Variants in SSR3 observed in about 807,000 individuals in gnomAD.
SSR3 encodes the protein signal sequence receptor subunit 3, also known as translocon-associated protein subunit gamma.
Under a neutral mutation model 22.1 loss-of-function variants are expected in SSR3, and 10 were observed. The ratio of observed to expected loss-of-function variants is 0.45; its 90% CI spans 0.28 to 0.77. The LOEUF (loss-of-function observed/expected upper bound fraction) is 0.77, where lower values mean the gene tolerates loss of function less well. Among genes scored for constraint, SSR3 ranks in the 30% least tolerant of loss-of-function variants. The probability of loss-of-function intolerance (pLI) is 0.13; values close to 1 mark genes in which losing one functional copy is unlikely to be tolerated. For missense variants in SSR3, 181 were observed against 220.5 expected, an observed-to-expected ratio of 0.82 and a Z score of 1.13; for synonymous variants, 104 against 82.5, an observed-to-expected ratio of 1.26 and a Z score of -1.42.
Position 156,549,005 on chromosome 3 carries a change from TG to T in SSR3, c.261-3del. 9 of 1,603,284 alleles carry T rather than the reference TG, an allele frequency of 5.6e-6. No individual in the cohort carries two copies. Among genetic ancestry groups the T allele is most frequent in the Non-Finnish European group, 7.6e-6 (9 of 1,177,530 alleles). ...GCATCCTCCCTCTTCTGTGCTACTCTGGAAGAAAAAGAAAAAAAGAAAAAGT... is the reference window on the plus strand; with the variant it reads ...GCATCCTCCCTCTTCTGTGCTACTCTGAAGAAAAAGAAAAAAAGAAAAAGT... On this transcript the variant is annotated splice_region_variant and splice_polypyrimidine_tract_variant and intron_variant, in intron 2 of 4. Coordinates refer to ENST00000265044, the MANE Select transcript of SSR3 (RefSeq NM_007107.5).
In SSR3 at chr3:156,540,602, T is replaced by A. The variant is rs1254056257; in HGVS notation, c.*2601A>T. 5.1e-5 allele frequency: 1 copy of A among 19,614 alleles called. No individual in the cohort carries two copies. The highest frequency in any genetic ancestry group is 2.3e-4 in the African/African-American group (1 of 4,422). 1.2% of individuals were successfully genotyped at this position (19,614 alleles called of 1,614,324 possible). ...GCCTGGGTGACAGAGCGAGACGCTG[T>A]CTCAAAAAAAAAAAAAAAAAAAAAA... On this transcript the variant is annotated 3_prime_UTR_variant, in exon 5 of 5. Coordinates refer to ENST00000265044, the MANE Select transcript of SSR3 (RefSeq NM_007107.5).
intron 3 of SSR3, among the ~76,000 whole-genome samples, chr3:156,546,763 A>T (rs1719779157): frequency 6.6e-6 from 1 of 152,212 alleles, no homozygotes; most frequent in Non-Finnish European, 1.5e-5. Flanking sequence ...GCAACTGTTA[A>T]ATGATAGATC....
chr3:156,548,012 A>G (rs987721772), intron 3 of SSR3, among the ~76,000 whole-genome samples: 16 of 152,216 alleles, frequency 1.1e-4, no homozygotes, highest in African/African-American at 3.9e-4. Flanking sequence ...AGAAAACCGT[A>G]TTAAATACAG....
rs1162729645 is a variant in SSR3 at position 156,541,895 on chromosome 3, G to A, written c.*1308C>T. On this transcript the variant is annotated 3_prime_UTR_variant, in exon 5 of 5. Coordinates refer to ENST00000265044, the MANE Select transcript of SSR3 (RefSeq NM_007107.5). ...TTCTTGCATGGAGCCCAACACATCC[G>A]ATAGCATGGAAGTGGAAGTTAAACT... 1.3e-5 allele frequency: 2 copies of A among 152,132 alleles called. No homozygotes were observed. The highest frequency in any genetic ancestry group is 6.5e-5 in the Admixed American group (1 of 15,270). The allele number at this position is 152,132 out of a possible 1,614,324, so 9.4% of individuals were successfully genotyped here.
intron 4 of SSR3, among the ~76,000 whole-genome samples, chr3:156,543,763 T>A (rs1576998622): frequency 6.6e-6 from 1 of 152,248 alleles, no homozygotes; most frequent in South Asian, 2.1e-4. Context: ...AGGTACACGT[T>A]GGAGGGTATC....
In SSR3 at chr3:156,555,077, C is replaced by T. The variant is rs778268599; in HGVS notation, c.13G>A (p.Gly5Ser). The part of the protein sequence containing the change: MAPK[G>S]SSKQQSEEDL... ...TCCTCAGACTGCTGTTTGGAGCTGC[C>T]TTTAGGAGCCATGGCGGAGCTGCAG... The change falls in exon 1 of 5, where the codon GGC becomes AGC. Residue 5 changes from glycine to serine, a missense_variant. Physicochemically the swap from Gly to Ser is moderately conservative, Grantham distance 56. Transcript: ENST00000265044. 22 of 1,613,620 alleles carry T rather than the reference C, an allele frequency of 1.4e-5. No homozygotes were observed. The South Asian group carries it at 2.0e-4, about 14-fold the overall frequency.
In SSR3 at chr3:156,542,234, C is replaced by T. The variant is rs1206090907; in HGVS notation, c.*969G>A. 1.3e-5 allele frequency: 2 copies of T among 152,182 alleles called. No individual in the cohort carries two copies. The highest frequency in any genetic ancestry group is 2.9e-5 in the Non-Finnish European group (2 of 68,032). 9.4% of individuals were successfully genotyped at this position (152,182 alleles called of 1,614,324 possible). A position where few individuals can be genotyped will look rare whatever the true frequency, so the allele number is the denominator to read the frequency against. Reference sequence around the variant, plus strand: ...GGGCTAAAGAGATAAATATCTTGCTCACAATCAATGGGAACCTGTGAACTA... The same window carrying T: ...GGGCTAAAGAGATAAATATCTTGCTTACAATCAATGGGAACCTGTGAACTA... On this transcript the variant is annotated 3_prime_UTR_variant, in exon 5 of 5. Coordinates refer to ENST00000265044, the MANE Select transcript of SSR3 (RefSeq NM_007107.5).
chr3:156,544,489 A>C, intron 3 of SSR3, 50 bp from the exon 4 acceptor site: 2 of 1,450,408 alleles, frequency 1.4e-6, no homozygotes, highest in Non-Finnish European at 1.8e-6. Context: ...GATTTAAAAA[A>C]ACTTTTAAGT....
In SSR3 at chr3:156,548,859, A is replaced by T. The variant is rs188818254; in HGVS notation, c.359+46T>A. The T allele has an allele frequency of 6.3e-6, 10 of 1,582,706 alleles. No homozygotes were observed. In the East Asian group the frequency reaches 2.2e-4, roughly 35 times the overall value. On this transcript the variant is annotated intron_variant, in intron 3 of 4. Coordinates refer to ENST00000265044, the MANE Select transcript of SSR3 (RefSeq NM_007107.5). ...AAGCAAAAATCAAAAAATTCTCTTC[A>T]AAGTACCCCCTTTTATGATGGCCAT...
Position 156,540,875 on chromosome 3 carries a change from T to A in SSR3, c.*2328A>T, listed in dbSNP as rs1316582514. ...CGCATCTCTGTGTGCCACACAGAAC[T>A]TTTAGACAAGAGTAGAGGGGAAAAG... On this transcript the variant is annotated 3_prime_UTR_variant, in exon 5 of 5. Transcript: ENST00000265044. 6.6e-6 allele frequency: 1 copy of A among 152,166 alleles called. No homozygotes were observed. Among genetic ancestry groups the A allele is most frequent in the Non-Finnish European group, 1.5e-5 (1 of 68,024 alleles). The allele number at this position is 152,166 out of a possible 1,614,324, so 9.4% of individuals were successfully genotyped here.
rs979340942 is a variant in SSR3 at position 156,539,555 on chromosome 3, A to G, written c.*3648T>C. On this transcript the variant is annotated 3_prime_UTR_variant, in exon 5 of 5. Coordinates refer to ENST00000265044, the MANE Select transcript of SSR3 (RefSeq NM_007107.5). Reference sequence around the variant, plus strand: ...CTCAGAAATCAAACAGGGATAAGTCAGCGAAAAGATGATATATTGAAAATT... The same window carrying G: ...CTCAGAAATCAAACAGGGATAAGTCGGCGAAAAGATGATATATTGAAAATT... Among the ~76,000 whole-genome samples, 3 of 152,226 alleles carry G rather than the reference A, an allele frequency of 2.0e-5. No individual in the cohort carries two copies. The highest frequency in any genetic ancestry group is 7.2e-5 in the African/African-American group (3 of 41,458).
At chr3:156,543,379 T>A in intron 4 of SSR3, 110 bp from the exon 5 acceptor site, 1 of 759,776 alleles carries the variant, frequency 1.3e-6, no homozygotes, top group Non-Finnish European at 2.2e-6. Flanking sequence ...ACACTTGGTG[T>A]AATCATAATG....
intron 1 of SSR3, 86 bp from the exon 2 acceptor site, chr3:156,553,867 T>A: frequency 7.3e-7 from 1 of 1,366,124 alleles, no homozygotes; most frequent in Non-Finnish European, 9.9e-7. Context: ...TAATTATAGC[T>A]AAGCCTGGTA....
At position 156,554,990 on chromosome 3, in the gene SSR3, C is replaced by T; in HGVS notation, c.100G>A (p.Gly34Arg). 1.9e-6 allele frequency: 3 copies of T among 1,613,994 alleles called. No homozygotes were observed. The highest frequency in any genetic ancestry group is 2.5e-6 in the Non-Finnish European group (3 of 1,179,938). ...ATGGCAGACACGATGAACGCGTTTC[C>T]GAAGAAGAGCGCGGAGGACTTGGCC... is the stretch of plus-strand genomic sequence containing the variant. ...LSAKSSALFF[G>R]NAFIVSAIPI... Residue 34 changes from glycine (G) to arginine (R), a missense_variant, in exon 1 of 5, where the codon GGA becomes AGA. Physicochemically the swap from Gly to Arg is moderately radical, Grantham distance 125. Transcript: ENST00000265044.
intron 2 of SSR3, among the ~76,000 whole-genome samples, chr3:156,549,253 A>G (rs1470263162): frequency 1.3e-5 from 2 of 152,188 alleles, no homozygotes; most frequent in Non-Finnish European, 2.9e-5. Flanking sequence ...AGAATTTTCC[A>G]CAGTTTAGGA....
chr3:156,544,567 T>C (rs1234651781), intron 3 of SSR3, 128 bp from the exon 4 acceptor site: 1 of 648,838 alleles, frequency 1.5e-6, no homozygotes. Flanking sequence ...AATGTGTTTG[T>C]AATATTAGAT....
At chr3:156,550,777 A>C (rs1320906464) in intron 2 of SSR3, among the ~76,000 whole-genome samples, 2 of 152,242 alleles carry the variant, frequency 1.3e-5, no homozygotes, top group Non-Finnish European at 2.9e-5. Context: ...ACAACTTCTA[A>C]GGGCTCTCTT....
At chr3:156,544,484 A>T (rs528377693) in intron 3 of SSR3, 45 bp from the exon 4 acceptor site, 42 of 1,468,588 alleles carry the variant, frequency 2.9e-5, no homozygotes, top group Admixed American at 4.9e-5. Context: ...AATATGATTT[A>T]AAAAAACTTT....
At chr3:156,545,278 T>C (rs996390757) in intron 3 of SSR3, among the ~76,000 whole-genome samples, 19 of 152,210 alleles carry the variant, frequency 1.2e-4, no homozygotes, top group African/African-American at 4.6e-4. Context: ...AAAAATGAAA[T>C]AGGAAAGAAT....
Sources: gnomAD v4.1 joint callset for allele counts (sites outside exome capture counted in the v4.1 genomes callset) on GRCh38, gnomAD v4.1.1 for gene constraint, MANE v1.5 for transcripts, NCBI Gene and HGNC (gene_info 2026-07-23, HGNC 2026-07-21) for gene names.